The following PDE8A variants were observed in gnomAD, a reference collection of about 807,000 sequenced individuals.
PDE8A encodes high affinity cAMP-specific and IBMX-insensitive 3',5'-cyclic phosphodiesterase 8A.
PDE8A carries 59 observed loss-of-function variants against 105.0 expected under a neutral mutation model. The ratio of observed to expected loss-of-function variants is 0.56; its 90% CI spans 0.46 to 0.70. The LOEUF is 0.70. PDE8A is among the 30% of genes least tolerant of loss of function. PDE8A has a pLI of 0.00. For missense variants in PDE8A, 1,014 were observed against 1,045.9 expected (o/e 0.97, Z 0.42); for synonymous variants, 355 against 371.9 (o/e 0.95, Z 0.52).
intron 3 of PDE8A, among the ~76,000 whole-genome samples, chr15:85,068,792 A>T (rs1007025129): frequency 1.2e-4 from 19 of 152,194 alleles, no homozygotes; most frequent in African/African-American, 4.3e-4. Context: ...GTGCTAGGCA[A>T]TGAAAGTTCA....
At chr15:85,032,224 G>T (rs182376158) in intron 1 of PDE8A, among the ~76,000 whole-genome samples, 115 of 152,294 alleles carry the variant, frequency 7.6e-4, no homozygotes, top group Non-Finnish European at 1.3e-3. Flanking sequence ...ACATTCCATT[G>T]TTTGACACCA....
intron 1 of PDE8A, among the ~76,000 whole-genome samples, chr15:85,009,922 A>G (rs2141330064): frequency 6.6e-6 from 1 of 152,374 alleles, no homozygotes. Flanking sequence ...TAAGCATATA[A>G]TGAAACACTT....
In PDE8A at chr15:85,048,765, T is replaced by G. The variant is rs56248785; in HGVS notation, c.187-15605T>G. 4.7e-3 allele frequency among the ~76,000 whole-genome samples: 717 copies of G among 152,266 alleles called. 3 individuals carry two copies. The highest frequency in any genetic ancestry group is 0.016 in the African/African-American group (664 of 41,538). Reference sequence around the variant, plus strand: ...TTCCTGTACCGTGAGAGTATGATGATTATACAGACCATTTCAAGCACTTGA... The same window carrying G: ...TTCCTGTACCGTGAGAGTATGATGAGTATACAGACCATTTCAAGCACTTGA... On this transcript the variant is annotated intron_variant, in intron 1 of 21. Coordinates refer to ENST00000394553, the MANE Select transcript of PDE8A (RefSeq NM_002605.3).
At chr15:85,075,492 A>G (rs1399061489) in intron 3 of PDE8A, among the ~76,000 whole-genome samples, 1 of 152,336 alleles carries the variant, frequency 6.6e-6, no homozygotes, top group East Asian at 1.9e-4. Flanking sequence ...GGTAATAGAC[A>G]TAAACTTGCA....
chr15:85,114,883 C>T (rs2082071591), intron 14 of PDE8A, among the ~76,000 whole-genome samples: 1 of 152,002 alleles, frequency 6.6e-6, no homozygotes, highest in African/African-American at 2.4e-5. Flanking sequence ...AGAATAGCCA[C>T]AGGACTGGAG....
At chr15:85,120,183 T>C (rs2082159716) in intron 17 of PDE8A, 2 of 152,044 alleles carry the variant, frequency 1.3e-5, no homozygotes, top group East Asian at 3.8e-4. Context: ...GAAGTAATTT[T>C]AGTAATTTTT....
chr15:84,999,064 A>T (rs920640405), intron 1 of PDE8A, among the ~76,000 whole-genome samples: 1 of 149,930 alleles, frequency 6.7e-6, no homozygotes, highest in Non-Finnish European at 1.5e-5. Context: ...TCTCTTGTCA[A>T]TTCTCCCATC....
At chr15:85,087,623 A>G (rs1341989067) in intron 6 of PDE8A, among the ~76,000 whole-genome samples, 1 of 152,200 alleles carries the variant, frequency 6.6e-6, no homozygotes, top group Non-Finnish European at 1.5e-5. Flanking sequence ...TTACTTATAC[A>G]AGGAAAAAAC....
chr15:85,102,992 A>T (rs554136640), intron 11 of PDE8A, among the ~76,000 whole-genome samples: 140 of 152,282 alleles, frequency 9.2e-4, no homozygotes, highest in Non-Finnish European at 1.6e-3. Context: ...AGGCCAAGGC[A>T]GGTGGATCGC....
chr15:85,095,876 T>A (rs76277492), intron 8 of PDE8A, among the ~76,000 whole-genome samples: 5,811 of 64,194 alleles, frequency 0.091, 150 homozygotes, highest in East Asian at 0.16. Flanking sequence ...ATATATATAT[T>A]TTTTTTATAT....
chr15:85,111,870 A>G (rs1307316069), intron 12 of PDE8A, among the ~76,000 whole-genome samples: 1 of 152,140 alleles, frequency 6.6e-6, no homozygotes, highest in Non-Finnish European at 1.5e-5. Context: ...AGTGTTTTAC[A>G]TTTTTGTTGT....
At chr15:85,061,584 T>A (rs2141444787) in intron 1 of PDE8A, among the ~76,000 whole-genome samples, 1 of 152,300 alleles carries the variant, frequency 6.6e-6, no homozygotes, top group South Asian at 2.1e-4. Context: ...GCAGTTTCAT[T>A]ATAATGTGTC....
chr15:85,075,153 G>A (rs2081363732), intron 3 of PDE8A, among the ~76,000 whole-genome samples: 1 of 152,174 alleles, frequency 6.6e-6, no homozygotes, highest in Admixed American at 6.5e-5. Context: ...TATTTTGGCT[G>A]TATTTTCATT....
At chr15:85,106,920 G>A (rs533811952) in intron 11 of PDE8A, among the ~76,000 whole-genome samples, 5 of 152,314 alleles carry the variant, frequency 3.3e-5, no homozygotes, top group Admixed American at 2.6e-4. Context: ...TGAAGCAGAT[G>A]TGTATTTATT....
chr15:85,011,724 C>T (rs1343322739), intron 1 of PDE8A, among the ~76,000 whole-genome samples: 2 of 152,106 alleles, frequency 1.3e-5, no homozygotes, highest in Non-Finnish European at 2.9e-5. Context: ...AGAGCTTCTG[C>T]ACAGCAAAAG....
chr15:85,111,301 G>A (rs563747566), intron 12 of PDE8A, among the ~76,000 whole-genome samples: 1 of 152,216 alleles, frequency 6.6e-6, no homozygotes, highest in South Asian at 2.1e-4. Context: ...TTTATCCCAA[G>A]ATCGTGAAAA....
chr15:85,077,558 C>T (rs372612006), intron 5 of PDE8A, among the ~76,000 whole-genome samples: 11 of 152,226 alleles, frequency 7.2e-5, no homozygotes, highest in African/African-American at 1.4e-4. Flanking sequence ...CATCTTTGCC[C>T]GCAGAGGATC....
At chr15:84,996,781 G>A (rs62021182) in intron 1 of PDE8A, among the ~76,000 whole-genome samples, 33,096 of 128,548 alleles carry the variant, frequency 0.26, 4,809 homozygotes, top group Middle Eastern at 0.46. Flanking sequence ...AGCCGAGATC[G>A]CACCACTGCA....
At chr15:85,117,596 T>G in intron 16 of PDE8A, 45 bp from the exon 17 acceptor site, 1 of 1,529,548 alleles carries the variant, frequency 6.5e-7, no homozygotes, top group Non-Finnish European at 9.1e-7. Flanking sequence ...ACTTGGCCTG[T>G]TTGTTTGCTT....
Sources: gnomAD v4.1 joint callset for allele counts (sites outside exome capture counted in the v4.1 genomes callset) on GRCh38, gnomAD v4.1.1 for gene constraint, MANE v1.5 for transcripts, NCBI Gene and HGNC (gene_info 2026-07-23, HGNC 2026-07-21) for gene names.